The following UPF1 variants were observed in gnomAD, a reference collection of about 807,000 sequenced individuals.
UPF1 encodes UPF1 RNA helicase and ATPase, also known as regulator of nonsense transcripts 1.
UPF1 carries 9 observed loss-of-function variants against 129.2 expected under a neutral mutation model. The observed-to-expected ratio is 0.07, with a 90% CI of 0.04 to 0.12. The LOEUF (loss-of-function observed/expected upper bound fraction) is 0.12. Among genes scored for constraint, UPF1 ranks in the 10% least tolerant of loss-of-function variants. The pLI is 1.00. For synonymous variants in UPF1, 649 were observed against 644.9 expected (o/e 1.01, Z -0.10); for missense variants, 788 against 1,525.3 (o/e 0.52, Z 8.05).
At chr19:18,844,660 A>G (rs1236112445) in intron 1 of UPF1, among the ~76,000 whole-genome samples, 7 of 151,874 alleles carry the variant, frequency 4.6e-5, no homozygotes, top group Admixed American at 4.6e-4. Flanking sequence ...TGGTGAGGGG[A>G]TAAGTTGACA....
chr19:18,856,042 C>T lies in UPF1; in HGVS notation c.1662C>T (p.Ser554=). Residue 554 remains serine (S), a synonymous_variant, in exon 12 of 24, where the codon TCC becomes TCT. Coordinates refer to ENST00000262803, the MANE Select transcript of UPF1 (RefSeq NM_002911.4). The stretch of plus-strand genomic sequence containing the variant: ...CCAAGAGCCGTGAGGCCATCGACTC[C>T]CCGGTGTCTTTTCTGGCCCTGCACA... The part of the protein sequence containing the change: ...LCAKSREAID[S]PVSFLALHNQ... The T allele has an allele frequency of 1.9e-6, 3 of 1,614,054 alleles. No homozygotes were observed. Among genetic ancestry groups the T allele is most frequent in the Non-Finnish European group, 2.5e-6 (3 of 1,180,034 alleles).
intron 18 of UPF1, 64 bp downstream of exon 18, chr19:18,862,216 G>C (rs1281370126): frequency 6.3e-7 from 1 of 1,588,910 alleles, no homozygotes. Context: ...CAGGGAATTT[G>C]GGGCTAGGGT....
At position 18,853,567 on chromosome 19, in the gene UPF1, A is replaced by AT. The variant is rs1239411123; in HGVS notation, c.1156+218dup. On this transcript the variant is annotated intron_variant, in intron 8 of 23. Transcript: ENST00000262803. This position sits in a 1 kb window ranked among gnomAD's most constrained non-coding sequence, Gnocchi z 4.4. ...GTATGGTTGCTTCCCCTCTGCCCGAATGGTGATGTTGGTGATGCCACTTGT... is the reference window on the plus strand; with the variant it reads ...GTATGGTTGCTTCCCCTCTGCCCGAATTGGTGATGTTGGTGATGCCACTTGT... Among the ~76,000 whole-genome samples, 1 of 152,164 alleles carries AT rather than the reference A, an allele frequency of 6.6e-6. No homozygotes were observed. Among genetic ancestry groups the AT allele is most frequent in the African/African-American group, 2.4e-5 (1 of 41,444 alleles).
At chr19:18,842,128 C>T (rs965059500) in intron 1 of UPF1, among the ~76,000 whole-genome samples, 10 of 152,046 alleles carry the variant, frequency 6.6e-5, no homozygotes, top group Admixed American at 1.3e-4. Context: ...GCCTGGGGAC[C>T]GCTGTGTCGG....
intron 8 of UPF1, among the ~76,000 whole-genome samples, chr19:18,854,030 G>A (rs971373093): frequency 6.6e-5 from 10 of 152,202 alleles, no homozygotes; most frequent in Non-Finnish European, 2.9e-5. Context: ...TCCTGAACAC[G>A]TGAGACCGGT....
In UPF1 at chr19:18,832,102, C is replaced by T; in HGVS notation, c.-108C>T. The T allele has an allele frequency of 2.7e-6, 3 of 1,105,168 alleles. No homozygotes were observed. The highest frequency in any genetic ancestry group is 4.4e-5 in the Admixed American group (1 of 22,828). The allele number at this position is 1,105,168 out of a possible 1,614,324, so 68.5% of individuals were successfully genotyped here. A position where few individuals can be genotyped will look rare whatever the true frequency, so the allele number is the denominator to read the frequency against. ...CGCGCGGTTTGGTCCTTTCCGGGCGCGCGGGGGCGACAGCGGCAGCGACCC... is the reference window on the plus strand; with the variant it reads ...CGCGCGGTTTGGTCCTTTCCGGGCGTGCGGGGGCGACAGCGGCAGCGACCC... On this transcript the variant is annotated 5_prime_UTR_variant, in exon 1 of 24. Transcript: ENST00000262803. The surrounding 1 kb of genome is among the most constrained non-coding windows in gnomAD (Gnocchi z 5.6).
chr19:18,861,949 A>C (rs2055785046), intron 17 of UPF1, 61 bp from the exon 18 acceptor site: 3 of 1,595,048 alleles, frequency 1.9e-6, no homozygotes, highest in African/African-American at 1.3e-5. Context: ...TGTTTCCTGC[A>C]TTTTGGGGGG....
chr19:18,858,734 AAGG>A (rs1282881348), intron 15 of UPF1, among the ~76,000 whole-genome samples: 4 of 152,228 alleles, frequency 2.6e-5, no homozygotes, highest in South Asian at 2.1e-4. Context: ...GCCAGATAGT[AAGG>A]AGATTTGCAG....
Position 18,832,421 on chromosome 19 carries a change from C to A in UPF1, c.212C>A (p.Ala71Glu). The A allele has an allele frequency of 1.0e-6, 1 of 996,758 alleles. No individual in the cohort carries two copies. The highest frequency in any genetic ancestry group is 1.2e-6 in the Non-Finnish European group (1 of 838,182). 61.7% of individuals were successfully genotyped at this position (996,758 alleles called of 1,614,324 possible). A position where few individuals can be genotyped will look rare whatever the true frequency, so the allele number is the denominator to read the frequency against. ...GGCGGCGCGGGCGCGGGCGCTGCGG[C>A]GGGACAGCTCGACGCGCAGGTGAGC... ...GPGGAGAGAA[A>E]GQLDAQVGPE... The change falls in exon 1 of 24, where the codon GCG (alanine) becomes GAG (glutamate). Residue 71 changes from alanine (A) to glutamate (E), a missense_variant. Ala to Glu is a moderately radical substitution (Grantham distance 107). Around this residue, in one of 6 missense-constraint regions of UPF1, gnomAD observed 112 missense variants for 128.2 expected, o/e 0.87. Coordinates refer to ENST00000262803, the MANE Select transcript of UPF1 (RefSeq NM_002911.4). The surrounding 1 kb of genome is among the most constrained non-coding windows in gnomAD (Gnocchi z 5.6).
At chr19:18,858,139 T>TGG (rs1175686303) in intron 15 of UPF1, among the ~76,000 whole-genome samples, 1 of 152,182 alleles carries the variant, frequency 6.6e-6, no homozygotes, top group Non-Finnish European at 1.5e-5. Flanking sequence ...GTGACACCTT[T>TGG]GGGTATGCCG....
chr19:18,847,913 A>G (rs2055617750), intron 3 of UPF1, 80 bp downstream of exon 3: 1 of 1,484,352 alleles, frequency 6.7e-7, no homozygotes, highest in African/African-American at 1.4e-5. Context: ...TGTTGAAGCA[A>G]AGCGTAATAT....
Position 18,865,202 on chromosome 19 carries a change from C to T in UPF1, c.2858-87C>T, listed in dbSNP as rs951072543. On this transcript the variant is annotated intron_variant, in intron 20 of 23. Transcript: ENST00000262803. This position sits in a 1 kb window ranked among gnomAD's most constrained non-coding sequence, Gnocchi z 6.1. ...CAGAGCCAGGACAGATGTGCAGCTCCGGCTGACTGGCTGGTGGGGTGGGTG... is the reference window on the plus strand; with the variant it reads ...CAGAGCCAGGACAGATGTGCAGCTCTGGCTGACTGGCTGGTGGGGTGGGTG... The T allele has an allele frequency of 1.5e-5, 22 of 1,465,052 alleles. No homozygotes were observed. The highest frequency in any genetic ancestry group is 1.9e-5 in the Non-Finnish European group (21 of 1,085,640). The allele number at this position is 1,465,052 out of a possible 1,614,324, so 90.8% of individuals were successfully genotyped here. A position where few individuals can be genotyped will look rare whatever the true frequency, so the allele number is the denominator to read the frequency against.
intron 11 of UPF1, 159 bp downstream of exon 11, chr19:18,855,401 G>GAATAA: frequency 1.3e-6 from 1 of 775,236 alleles, no homozygotes; most frequent in South Asian, 1.8e-5. Context: ...GACATTATTC[G>GAATAA]TGTCAGCTCC....
At chr19:18,843,040 A>G (rs928313118) in intron 1 of UPF1, among the ~76,000 whole-genome samples, 3 of 152,036 alleles carry the variant, frequency 2.0e-5, no homozygotes, top group East Asian at 1.9e-4. Context: ...TGCCCAGGCT[A>G]TTCTCAAACC....
intron 1 of UPF1, among the ~76,000 whole-genome samples, chr19:18,837,673 T>TG (rs1386316261): frequency 2.6e-5 from 4 of 152,230 alleles, no homozygotes; most frequent in Non-Finnish European, 5.9e-5. Context: ...CGCATGTTTT[T>TG]GTGCAGGTGC....
rs766225206 is a variant in UPF1, at chr19:18,860,859, G to A, written c.2334G>A (p.Thr778=). 6.2e-7 allele frequency: 1 copy of A among 1,611,930 alleles called. No individual in the cohort carries two copies. Among genetic ancestry groups the A allele is most frequent in the Non-Finnish European group, 8.5e-7 (1 of 1,179,356 alleles). The change falls in exon 17 of 24, where the codon ACG becomes ACA. Residue 778 remains threonine (T), a synonymous_variant. Coordinates refer to ENST00000262803, the MANE Select transcript of UPF1 (RefSeq NM_002911.4). The stretch of plus-strand genomic sequence containing the variant: ...CTGCGAACGTGGAGAAGATCACCAC[G>A]AAGTTGCTGAAGGCAGGCGCCAAGC... ...TEAANVEKIT[T]KLLKAGAKPD... is the part of the protein sequence containing the mutation.
rs370778318 is a variant in UPF1, at chr19:18,853,331, C to T, written c.1137C>T (p.His379=). 19 of 1,611,708 alleles carry T rather than the reference C, an allele frequency of 1.2e-5. No homozygotes were observed. Among genetic ancestry groups the T allele is most frequent in the African/African-American group, 6.7e-5 (5 of 74,936 alleles). Residue 379 remains histidine (H), a synonymous_variant, in exon 8 of 24, where the codon CAC becomes CAT. Coordinates refer to ENST00000262803, the MANE Select transcript of UPF1 (RefSeq NM_002911.4). This position sits in a 1 kb window ranked among gnomAD's most constrained non-coding sequence, Gnocchi z 4.4. ...DLAPLWKGIG[H]VIKVPDNYGD... ...CGCCCCTGTGGAAAGGGATCGGCCA[C>T]GTCATCAAGGTCCCTGATAGTATCC...
intron 19 of UPF1, among the ~76,000 whole-genome samples, 165 bp downstream of exon 19, chr19:18,863,777 C>T (rs547112171): frequency 4.6e-5 from 7 of 152,174 alleles, no homozygotes; most frequent in East Asian, 3.9e-4. Flanking sequence ...TCTTGTCTCC[C>T]GAGCCGTGTG....
chr19:18,841,909 A>G (rs1377380525), intron 1 of UPF1, among the ~76,000 whole-genome samples: 2 of 152,174 alleles, frequency 1.3e-5, no homozygotes, highest in African/African-American at 2.4e-5. Context: ...TTTGGGAAGA[A>G]CGAATGTGAG....
Sources: allele counts gnomAD v4.1 joint callset (sites outside exome capture counted in the v4.1 genomes callset), GRCh38; gene constraint gnomAD v4.1.1; regional missense constraint gnomAD v4.1.1; non-coding constraint Gnocchi (gnomAD v3.1); transcripts MANE v1.5; gene names NCBI Gene and HGNC (gene_info 2026-07-23, HGNC 2026-07-21).